ACAD10: variants seen among roughly 807,000 people sequenced by gnomAD.
ACAD10 encodes the protein ACAD-10.
Under a neutral mutation model 116.8 loss-of-function variants are expected in ACAD10, and 112 were observed. That is an observed-to-expected ratio of 0.96 (90% CI 0.82 to 1.12). The LOEUF (loss-of-function observed/expected upper bound fraction) is 1.12. Ranked by LOEUF, ACAD10 falls within the 50% of genes most tolerant of loss-of-function variation. The probability of loss-of-function intolerance (pLI) is 0.00; values close to 1 mark genes in which losing one functional copy is unlikely to be tolerated. For missense variants in ACAD10, 1,259 were observed against 1,350.2 expected, an observed-to-expected ratio of 0.93 and a Z score of 1.06; for synonymous variants, 486 against 510.6, an observed-to-expected ratio of 0.95 and a Z score of 0.65.
rs1406577838 is a variant in ACAD10, at chr12:111,692,757, G to A, written c.48G>A (p.Trp16Ter). Residue 16 changes from tryptophan to a stop codon, truncating the protein, a stop_gained, in exon 2 of 21, where the codon TGG (tryptophan) becomes TGA (stop). Coordinates refer to ENST00000313698, the MANE Select transcript of ACAD10 (RefSeq NM_025247.6). LOFTEE classifies it high-confidence loss of function. ...AGTCCCCCCGTCTCCAGTGGGTGTGGAGAACAGCCTTCCTGAAACACACCC... is the reference window on the plus strand; with the variant it reads ...AGTCCCCCCGTCTCCAGTGGGTGTGAAGAACAGCCTTCCTGAAACACACCC... ...CFQSPRLQWV[W>*]RTAFLKHTQR... is the part of the protein sequence containing the mutation. 7.4e-6 allele frequency: 12 copies of A among 1,614,214 alleles called. No individual in the cohort carries two copies. The highest frequency in any genetic ancestry group is 1.0e-5 in the Non-Finnish European group (12 of 1,180,044).
chr12:111,721,557 G>C, intron 7 of ACAD10, 114 bp from the exon 8 acceptor site: 1 of 978,584 alleles, frequency 1.0e-6, no homozygotes. Context: ...AACAGAGCGA[G>C]ACTGTGTCTC....
chr12:111,735,516 C>T (rs932323141), intron 11 of ACAD10, among the ~76,000 whole-genome samples: 18 of 150,772 alleles, frequency 1.2e-4, no homozygotes, highest in African/African-American at 3.7e-4. Flanking sequence ...AGTGCAGTGG[C>T]GCGATCTCAG....
At chr12:111,744,109 CAAG>C (rs902782544) in intron 12 of ACAD10, among the ~76,000 whole-genome samples, 1 of 152,096 alleles carries the variant, frequency 6.6e-6, no homozygotes, top group African/African-American at 2.4e-5. Flanking sequence ...GCACATTTTA[CAAG>C]AAGAAAGAGA....
chr12:111,723,045 G>A (rs564580789), intron 8 of ACAD10, among the ~76,000 whole-genome samples: 6 of 148,038 alleles, frequency 4.1e-5, no homozygotes, highest in Non-Finnish European at 9.1e-5. Context: ...TCCCGGACGG[G>A]GCGGCTGGCC....
intron 3 of ACAD10, 95 bp from the exon 4 acceptor site, chr12:111,705,643 A>G: frequency 8.6e-7 from 1 of 1,162,496 alleles, no homozygotes; most frequent in Non-Finnish European, 1.2e-6. Flanking sequence ...AGAGAGCAGA[A>G]GGACGCCAGG....
intron 3 of ACAD10, among the ~76,000 whole-genome samples, chr12:111,704,678 TTCTTTCTTTC>T (rs1208891196): frequency 6.2e-4 from 86 of 139,226 alleles, no homozygotes; most frequent in East Asian, 5.7e-3. Context: ...CTTTCTTTCT[TTCTTTCTTTC>T]TTTTTTTTTT....
chr12:111,718,405 C>T (rs1002528838), intron 7 of ACAD10, among the ~76,000 whole-genome samples: 1 of 152,064 alleles, frequency 6.6e-6, no homozygotes, highest in Non-Finnish European at 1.5e-5. Flanking sequence ...TATTCTCTCT[C>T]TCTTGTTAGT....
chr12:111,719,727 A>G (rs1023129712), intron 7 of ACAD10, among the ~76,000 whole-genome samples: 1 of 151,222 alleles, frequency 6.6e-6, no homozygotes. Flanking sequence ...TAATTTTTGT[A>G]TTATTTTTAT....
intron 4 of ACAD10, among the ~76,000 whole-genome samples, chr12:111,708,712 T>C (rs1278041163): frequency 1.3e-5 from 2 of 152,040 alleles, no homozygotes; most frequent in Non-Finnish European, 2.9e-5. Flanking sequence ...TTATAGGCTA[T>C]GTGGCTATAG....
chr12:111,692,735 C>A lies in ACAD10; in HGVS notation c.26C>A (p.Ser9Tyr), dbSNP rs1224836028. Residue 9 changes from serine (S) to tyrosine (Y), a missense_variant, in exon 2 of 21, where the codon TCC becomes TAC. Coordinates refer to ENST00000313698, the MANE Select transcript of ACAD10 (RefSeq NM_025247.6). MCVRSCFQ[S>Y]PRLQWVWRTA... The stretch of plus-strand genomic sequence containing the variant: ...ATGTGTGTCAGGAGCTGTTTCCAGT[C>A]CCCCCGTCTCCAGTGGGTGTGGAGA... 6.2e-7 allele frequency: 1 copy of A among 1,613,992 alleles called. No homozygotes were observed. Among genetic ancestry groups the A allele is most frequent in the Non-Finnish European group, 8.5e-7 (1 of 1,179,936 alleles).
Position 111,709,608 on chromosome 12 carries a change from C to T in ACAD10, c.614C>T (p.Pro205Leu). ...TGCTTGGAGCAGCTCGGCCTGCAGC[C>T]CTCTGAGTCCATCTTTCTTGATGAC... is the stretch of plus-strand genomic sequence containing the variant. The part of the protein sequence containing the change: ...KLCLEQLGLQ[P>L]SESIFLDDLG... The change falls in exon 5 of 21, where the codon CCC becomes CTC. Residue 205 changes from proline to leucine, a missense_variant. Transcript: ENST00000313698. 2 of 1,614,086 alleles carry T rather than the reference C, an allele frequency of 1.2e-6. No individual in the cohort carries two copies. Among genetic ancestry groups the T allele is most frequent in the Non-Finnish European group, 1.7e-6 (2 of 1,180,006 alleles).
At chr12:111,717,121 A>G (rs1485026825) in intron 7 of ACAD10, among the ~76,000 whole-genome samples, 2 of 152,006 alleles carry the variant, frequency 1.3e-5, no homozygotes, top group Non-Finnish European at 2.9e-5. Context: ...TAAAGAAACC[A>G]AGGCAGGCAG....
chr12:111,699,066 A>G (rs1204610095), intron 2 of ACAD10, among the ~76,000 whole-genome samples: 1 of 152,010 alleles, frequency 6.6e-6, no homozygotes, highest in African/African-American at 2.4e-5. Context: ...TTTTGTAGAG[A>G]TGGGTTTTCA....
intron 12 of ACAD10, 134 bp from the exon 13 acceptor site, chr12:111,744,509 T>C (rs1311667099): frequency 3.6e-6 from 4 of 1,109,224 alleles, no homozygotes; most frequent in Non-Finnish European, 5.2e-6. Context: ...ATAGTGGCTC[T>C]TAGCACAGTG....
intron 2 of ACAD10, among the ~76,000 whole-genome samples, chr12:111,696,329 A>T (rs1888189713): frequency 6.6e-6 from 1 of 152,178 alleles, no homozygotes. Context: ...TTGGAATTAC[A>T]GGTGTGAGTT....
At chr12:111,716,798 C>G (rs536105930) in intron 7 of ACAD10, among the ~76,000 whole-genome samples, 1 of 152,210 alleles carries the variant, frequency 6.6e-6, no homozygotes, top group South Asian at 2.1e-4. Flanking sequence ...GGAAGCTGCA[C>G]TGAGCCGAGG....
chr12:111,701,095 T>G (rs1888336538), intron 2 of ACAD10, among the ~76,000 whole-genome samples: 1 of 152,066 alleles, frequency 6.6e-6, no homozygotes, highest in Non-Finnish European at 1.5e-5. Flanking sequence ...AAATATATTG[T>G]CTGAAAAATT....
chr12:111,720,964 A>G (rs1166312736), intron 7 of ACAD10, among the ~76,000 whole-genome samples: 2 of 151,750 alleles, frequency 1.3e-5, no homozygotes, highest in African/African-American at 4.8e-5. Flanking sequence ...TTGTATTTTT[A>G]GTTGAGAAAG....
intron 4 of ACAD10, among the ~76,000 whole-genome samples, chr12:111,707,246 G>A (rs922188704): frequency 6.6e-6 from 1 of 151,472 alleles, no homozygotes; most frequent in African/African-American, 2.4e-5. Flanking sequence ...ATGCCACCAC[G>A]CCTGGCTAGT....
Sources: gnomAD v4.1 joint callset for allele counts (sites outside exome capture counted in the v4.1 genomes callset) on GRCh38, gnomAD v4.1.1 for gene constraint, MANE v1.5 for transcripts, NCBI Gene and HGNC (gene_info 2026-07-23, HGNC 2026-07-21) for gene names.